The following PPP3R1 variants were observed in gnomAD, a reference collection of about 807,000 sequenced individuals.
PPP3R1 encodes the protein protein phosphatase 3 regulatory subunit B, alpha.
A neutral mutation model predicts 22.6 loss-of-function variants in PPP3R1; 5 were observed. The observed-to-expected ratio is 0.22, with a 90% confidence interval of 0.12 to 0.46. The LOEUF is 0.46. PPP3R1 is among the 20% of genes least tolerant of loss of function. The probability of loss-of-function intolerance (pLI) is 0.99; values close to 1 mark genes in which losing one functional copy is unlikely to be tolerated. For synonymous variants in PPP3R1, 56 were observed against 65.2 expected (o/e 0.86, Z 0.68); for missense variants, 61 against 203.2 (o/e 0.30, Z 4.25).
chr2:68,236,766 G>A (rs1298607741), intron 1 of PPP3R1, among the ~76,000 whole-genome samples: 2 of 152,122 alleles, frequency 1.3e-5, no homozygotes, highest in African/African-American at 4.8e-5. Context: ...CTAGGGCCAG[G>A]TTATAAAAAC....
chr2:68,202,791 A>C (rs956261378), intron 2 of PPP3R1, among the ~76,000 whole-genome samples: 83 of 93,554 alleles, frequency 8.9e-4, no homozygotes, highest in Admixed American at 2.5e-3. Context: ...GAGTTCAGGG[A>C]ATTTTTTTTT....
intron 2 of PPP3R1, among the ~76,000 whole-genome samples, chr2:68,191,337 T>C (rs13398784): frequency 0.025 from 3,882 of 152,264 alleles, 150 homozygotes; most frequent in African/African-American, 0.085. Flanking sequence ...CTGTAGGCAA[T>C]TGTAACACAA....
intron 2 of PPP3R1, among the ~76,000 whole-genome samples, chr2:68,213,303 G>A (rs1221717630): frequency 2.0e-5 from 3 of 152,156 alleles, no homozygotes; most frequent in Non-Finnish European, 4.4e-5. Context: ...AATTAAAGAT[G>A]TGTAATTCTT....
chr2:68,198,358 T>C (rs147122984), intron 2 of PPP3R1, among the ~76,000 whole-genome samples: 7 of 90,054 alleles, frequency 7.8e-5, no homozygotes, highest in South Asian at 2.7e-4. Context: ...TATGCATATA[T>C]ATGTACATAT....
chr2:68,247,253 C>T (rs1289112502), intron 1 of PPP3R1, among the ~76,000 whole-genome samples: 2 of 148,198 alleles, frequency 1.3e-5, no homozygotes, highest in Non-Finnish European at 3.1e-5. Flanking sequence ...GTGCCTAGCC[C>T]ACCCATGATT....
At chr2:68,207,222 A>T (rs1303129735) in intron 2 of PPP3R1, among the ~76,000 whole-genome samples, 3 of 17,740 alleles carry the variant, frequency 1.7e-4, no homozygotes, top group South Asian at 2.2e-3. Context: ...AAAATATGAT[A>T]AAAAAAAAAA....
At chr2:68,242,171 G>A (rs575598763) in intron 1 of PPP3R1, among the ~76,000 whole-genome samples, 4 of 152,338 alleles carry the variant, frequency 2.6e-5, no homozygotes, top group East Asian at 3.9e-4. Flanking sequence ...GCTCACGCGT[G>A]TAATACCAGC....
At chr2:68,230,981 T>C (rs1025307561) in intron 1 of PPP3R1, among the ~76,000 whole-genome samples, 1 of 152,250 alleles carries the variant, frequency 6.6e-6, no homozygotes, top group African/African-American at 2.4e-5. Flanking sequence ...GTTTATCCTG[T>C]TGAACATTCA....
intron 1 of PPP3R1, among the ~76,000 whole-genome samples, chr2:68,245,212 A>C (rs1257794016): frequency 6.6e-6 from 1 of 152,112 alleles, no homozygotes; most frequent in Non-Finnish European, 1.5e-5. Context: ...CTCCACAAAA[A>C]TTAGCTGGGT....
At chr2:68,246,928 C>A (rs1670247259) in intron 1 of PPP3R1, among the ~76,000 whole-genome samples, 1 of 152,158 alleles carries the variant, frequency 6.6e-6, no homozygotes, top group Non-Finnish European at 1.5e-5. Flanking sequence ...TGGCCATAAT[C>A]ACCTAGATAA....
At chr2:68,208,961 A>G (rs1303045804) in intron 2 of PPP3R1, among the ~76,000 whole-genome samples, 10 of 151,886 alleles carry the variant, frequency 6.6e-5, no homozygotes, top group Admixed American at 3.9e-4. Flanking sequence ...ATCATTAAAA[A>G]AAGTCTGGGA....
At chr2:68,181,237 C>T (rs1008538494) in intron 5 of PPP3R1, among the ~76,000 whole-genome samples, 6 of 151,892 alleles carry the variant, frequency 4.0e-5, no homozygotes, top group African/African-American at 4.8e-5. Flanking sequence ...TAAAAAAATA[C>T]AAAAACTTAG....
chr2:68,184,997 G>A (rs548997800), intron 5 of PPP3R1, among the ~76,000 whole-genome samples: 2 of 152,272 alleles, frequency 1.3e-5, no homozygotes, highest in African/African-American at 4.8e-5. Flanking sequence ...AAGGCAGGTG[G>A]ATCACAAGGT....
At chr2:68,211,676 T>C (rs995507881) in intron 2 of PPP3R1, among the ~76,000 whole-genome samples, 4 of 152,164 alleles carry the variant, frequency 2.6e-5, no homozygotes, top group Non-Finnish European at 5.9e-5. Flanking sequence ...AAAACTGGAG[T>C]CAATCTTTTC....
intron 1 of PPP3R1, among the ~76,000 whole-genome samples, chr2:68,218,253 C>CT (rs930909379): frequency 6.6e-6 from 1 of 151,802 alleles, no homozygotes; most frequent in Non-Finnish European, 1.5e-5. Flanking sequence ...AACCTGAATT[C>CT]TTTTTTTTAG....
chr2:68,227,762 C>T (rs1021466317), intron 1 of PPP3R1, among the ~76,000 whole-genome samples: 5 of 148,194 alleles, frequency 3.4e-5, no homozygotes, highest in Non-Finnish European at 4.5e-5. Flanking sequence ...TAAATTACCC[C>T]CATTCCTGTT....
chr2:68,248,132 T>C (rs1670271800), intron 1 of PPP3R1, among the ~76,000 whole-genome samples: 1 of 152,224 alleles, frequency 6.6e-6, no homozygotes, highest in South Asian at 2.1e-4. Context: ...TGTAGTTCTC[T>C]GGATGGCTTG....
intron 1 of PPP3R1, among the ~76,000 whole-genome samples, chr2:68,231,035 G>A (rs1023396212): frequency 5.3e-5 from 8 of 152,000 alleles, no homozygotes; most frequent in African/African-American, 7.3e-5. Flanking sequence ...TGCCAAATTC[G>A]CAAAATTTTC....
chr2:68,210,539 T>G (rs1211294058), intron 2 of PPP3R1, among the ~76,000 whole-genome samples: 4 of 152,184 alleles, frequency 2.6e-5, no homozygotes, highest in Non-Finnish European at 5.9e-5. Flanking sequence ...TCCAACTAAG[T>G]CAGACAACCA....
Sources: allele counts gnomAD v4.1 joint callset (sites outside exome capture counted in the v4.1 genomes callset), GRCh38; gene constraint gnomAD v4.1.1; transcripts MANE v1.5; gene names NCBI Gene and HGNC (gene_info 2026-07-23, HGNC 2026-07-21).